Variants in EPB41L4A observed in about 807,000 individuals in gnomAD.
The protein encoded by EPB41L4A is erythrocyte membrane protein band 4.1 like 4A.
Under a neutral mutation model 108.6 loss-of-function variants are expected in EPB41L4A, and 100 were observed. The observed-to-expected ratio is 0.92, with a 90% CI of 0.78 to 1.09. EPB41L4A has a LOEUF of 1.09. Ranked by LOEUF, EPB41L4A falls within the 50% of genes least tolerant of loss-of-function variation. The pLI, the probability that EPB41L4A is intolerant of heterozygous loss-of-function variation, is 0.00. For missense variants in EPB41L4A, 1,030 were observed against 842.7 expected (o/e 1.22, Z -2.75); for synonymous variants, 319 against 289.0 (o/e 1.10, Z -1.05).
intron 13 of EPB41L4A, among the ~76,000 whole-genome samples, chr5:112,207,240 C>A (rs544179856): frequency 6.6e-6 from 1 of 152,264 alleles, no homozygotes; most frequent in Non-Finnish European, 1.5e-5. Flanking sequence ...AAGAGTGAAA[C>A]TGGACCTCTT....
intron 20 of EPB41L4A, among the ~76,000 whole-genome samples, chr5:112,169,752 A>G (rs1003026705): frequency 1.3e-5 from 2 of 152,176 alleles, no homozygotes; most frequent in African/African-American, 2.4e-5. Flanking sequence ...CCAACCTGCT[A>G]TTTAACTGTG....
chr5:112,161,122 A>C (rs918119951), downstream of EPB41L4A: 1 of 184,696 alleles, frequency 5.4e-6, no homozygotes, highest in Non-Finnish European at 1.2e-5. Flanking sequence ...ATCATCGACT[A>C]TGCCAGGGAG....
chr5:112,408,644 C>T (rs1372047334), intron 1 of EPB41L4A, among the ~76,000 whole-genome samples: 3 of 112,074 alleles, frequency 2.7e-5, no homozygotes, highest in East Asian at 3.0e-4. Context: ...GGACTTCAAA[C>T]GAGCCTGGGC....
rs925803299 is a variant in EPB41L4A, at chr5:112,397,912, T to C, written c.99+21029A>G. On this transcript the variant is annotated intron_variant, in intron 1 of 22. Transcript: ENST00000261486. ...AAAAGCTAACCATTAACCATTATTC[T>C]GTAGTGCAGCCTGCCTAGAAAACAT... Among the ~76,000 whole-genome samples the C allele has an allele frequency of 9.8e-5, 15 of 152,326 alleles. No individual in the cohort carries two copies. The East Asian group carries it at 2.7e-3, about 27-fold the overall frequency.
At chr5:112,228,820 G>A in intron 12 of EPB41L4A, 1 of 829,188 alleles carries the variant, frequency 1.2e-6, no homozygotes, top group Non-Finnish European at 1.5e-6. Flanking sequence ...TAGACTTGCA[G>A]GAATGCTCTG....
rs12655460 is a variant in EPB41L4A at position 112,220,914 on chromosome 5, T to C, written c.1088-10932A>G. ...CTTTGCTAAGCCCCCCTCCAGGTTA[T>C]TACCATTAGAATATACCCTTTTGTC... On this transcript the variant is annotated intron_variant, in intron 12 of 22. Transcript: ENST00000261486. 3.9e-4 allele frequency among the ~76,000 whole-genome samples: 60 copies of C among 152,332 alleles called. 1 individual carries two copies. In the East Asian group the frequency reaches 4.2e-3, roughly 11 times the overall value.
chr5:112,188,441 C>G (rs748524315), intron 17 of EPB41L4A, among the ~76,000 whole-genome samples: 1 of 152,172 alleles, frequency 6.6e-6, no homozygotes, highest in Non-Finnish European at 1.5e-5. Flanking sequence ...ATTTCCCTTT[C>G]AAACTCTCCT....
At chr5:112,195,111 C>G (rs1005169230) in intron 16 of EPB41L4A, among the ~76,000 whole-genome samples, 3 of 152,110 alleles carry the variant, frequency 2.0e-5, no homozygotes, top group Admixed American at 6.5e-5. Flanking sequence ...TATGTCAGTT[C>G]CAGGACTAGC....
At position 112,169,047 on chromosome 5, in the gene EPB41L4A, A is replaced by G. The variant is rs370174086; in HGVS notation, c.1798T>C (p.Tyr600His). 4.3e-6 allele frequency: 7 copies of G among 1,614,202 alleles called. No individual in the cohort carries two copies. The African/African-American group carries it at 9.3e-5, about 22-fold the overall frequency. Reference protein sequence around the residue: ...HSHSPRSYRQYRRSQCSDGER... With the variant: ...HSHSPRSYRQHRRSQCSDGER... ...CCATCTGAACACTGGGACCTGCGAT[A>G]CTGGCGGTAACTTCGTGGCGAATGA... The change falls in exon 21 of 23, where the codon TAT (tyrosine) becomes CAT (histidine). Residue 600 changes from tyrosine (Y) to histidine (H), a missense_variant. Tyr to His is a moderately conservative substitution (Grantham distance 83, BLOSUM62 2). Coordinates refer to ENST00000261486, the MANE Select transcript of EPB41L4A (RefSeq NM_022140.5).
intron 1 of EPB41L4A, among the ~76,000 whole-genome samples, chr5:112,371,642 G>A (rs925234487): frequency 6.6e-6 from 1 of 152,142 alleles, no homozygotes. Context: ...TGGCAAGACT[G>A]TCTGTGGCTC....
rs192687313 is a variant in EPB41L4A at position 112,316,506 on chromosome 5, C to A, written c.100-9016G>T. ...TCCTTCCCAGGGGAGGCACTGTTCA[C>A]CCCCATTGTCTGGCCCCCATTGTTT... On this transcript the variant is annotated intron_variant, in intron 1 of 22. Transcript: ENST00000261486. Among the ~76,000 whole-genome samples the A allele has an allele frequency of 2.5e-3, 388 of 152,268 alleles. 2 individuals are homozygous for A. The highest frequency in any genetic ancestry group is 8.9e-3 in the African/African-American group (368 of 41,538).
intron 9 of EPB41L4A, among the ~76,000 whole-genome samples, chr5:112,253,772 G>A (rs942759934): frequency 2.0e-5 from 3 of 152,068 alleles, no homozygotes; most frequent in Admixed American, 1.3e-4. Flanking sequence ...GTGACTCTAG[G>A]TAACAGTAAA....
intron 12 of EPB41L4A, among the ~76,000 whole-genome samples, chr5:112,233,011 TA>T (rs1749064678): frequency 6.6e-6 from 1 of 152,156 alleles, no homozygotes; most frequent in African/African-American, 2.4e-5. Flanking sequence ...GCTGCTTGAT[TA>T]GGTGGTTTTA....
At chr5:112,366,786 G>C (rs1663785978) in intron 1 of EPB41L4A, among the ~76,000 whole-genome samples, 1 of 152,190 alleles carries the variant, frequency 6.6e-6, no homozygotes, top group Admixed American at 6.5e-5. Flanking sequence ...ACTGCAGGAG[G>C]AAGGGCAAGC....
intron 6 of EPB41L4A, 26 bp downstream of exon 6, chr5:112,264,870 A>G (rs1751741652): frequency 1.0e-5 from 16 of 1,598,840 alleles, no homozygotes; most frequent in African/African-American, 2.7e-5. Context: ...GGATGATGCA[A>G]TAAGACATGG....
At chr5:112,147,954 G>A (rs991781264) in intron 12 of EPB41L4A, among the ~76,000 whole-genome samples, 2 of 151,146 alleles carry the variant, frequency 1.3e-5, no homozygotes, top group Non-Finnish European at 2.9e-5. Flanking sequence ...CAGGAGAATT[G>A]CATGAACCCA....
chr5:112,284,701 G>C (rs1753171245), intron 2 of EPB41L4A, among the ~76,000 whole-genome samples: 1 of 152,164 alleles, frequency 6.6e-6, no homozygotes. Flanking sequence ...CCATCACTGA[G>C]GAGTCAGGGT....
intron 17 of EPB41L4A, among the ~76,000 whole-genome samples, chr5:112,184,576 TA>T (rs2150237434): frequency 6.6e-6 from 1 of 152,332 alleles, no homozygotes; most frequent in South Asian, 2.1e-4. Flanking sequence ...AAGTTTTCAT[TA>T]AAAATAGGTG....
At chr5:112,371,141 T>C (rs994260039) in intron 1 of EPB41L4A, among the ~76,000 whole-genome samples, 21 of 152,192 alleles carry the variant, frequency 1.4e-4, no homozygotes, top group African/African-American at 5.1e-4. Flanking sequence ...ACAATACATA[T>C]TATGTGTGTA....
Sources: gnomAD v4.1 joint callset for allele counts (sites outside exome capture counted in the v4.1 genomes callset) on GRCh38, gnomAD v4.1.1 for gene constraint, MANE v1.5 for transcripts, NCBI Gene and HGNC (gene_info 2026-07-23, HGNC 2026-07-21) for gene names.